The following MTHFD2L variants were observed in gnomAD, a reference collection of about 807,000 sequenced individuals.
MTHFD2L encodes the protein methylenetetrahydrofolate dehydrogenase (NADP+ dependent) 2 like.
Under a neutral mutation model 34.9 loss-of-function variants are expected in MTHFD2L, and 29 were observed. The observed-to-expected ratio is 0.83, with a 90% CI of 0.62 to 1.13. The LOEUF (loss-of-function observed/expected upper bound fraction) is 1.13, where lower values mean the gene tolerates loss of function less well. MTHFD2L is among the 50% of genes most tolerant of loss of function. The probability of loss-of-function intolerance (pLI) is 0.00; values close to 1 mark genes in which losing one functional copy is unlikely to be tolerated. For synonymous variants in MTHFD2L, 167 were observed against 155.7 expected, an observed-to-expected ratio of 1.07 and a Z score of -0.54; for missense variants, 481 against 446.5, an observed-to-expected ratio of 1.08 and a Z score of -0.70.
At chr4:74,157,046 T>C (rs1724332377), upstream of MTHFD2L, 1 of 152,230 alleles carries the variant, frequency 6.6e-6, no homozygotes, top group South Asian at 2.1e-4. Context: ...GTTTAAATTG[T>C]TTTTTTCTTT....
At chr4:74,178,650 G>A (rs1394844772) in intron 3 of MTHFD2L, among the ~76,000 whole-genome samples, 1 of 151,926 alleles carries the variant, frequency 6.6e-6, no homozygotes, top group Non-Finnish European at 1.5e-5. Flanking sequence ...TCTGAGAAAG[G>A]GCAGTTTTCT....
At chr4:74,266,626 T>G (rs1414153297) in intron 6 of MTHFD2L, among the ~76,000 whole-genome samples, 1 of 152,188 alleles carries the variant, frequency 6.6e-6, no homozygotes, top group African/African-American at 2.4e-5. Flanking sequence ...CTCTCACCAC[T>G]TCTCCAACTC....
At chr4:74,295,817 G>A (rs768608028) in intron 7 of MTHFD2L, among the ~76,000 whole-genome samples, 1 of 151,966 alleles carries the variant, frequency 6.6e-6, no homozygotes, top group East Asian at 1.9e-4. Context: ...GAAGCTTCTT[G>A]CCACCTTTAT....
At chr4:74,138,116 T>A (rs575677838) in intron 1 of MTHFD2L, among the ~76,000 whole-genome samples, 1 of 152,156 alleles carries the variant, frequency 6.6e-6, no homozygotes, top group African/African-American at 2.4e-5. Flanking sequence ...AATAAGTAAA[T>A]TCGGCCTTAC....
intron 6 of MTHFD2L, chr4:74,241,674 G>A (rs559096500): frequency 2.8e-5 from 10 of 363,210 alleles, no homozygotes; most frequent in East Asian, 2.7e-4. Context: ...CACCACACCC[G>A]GCACTATATA....
Position 74,289,717 on chromosome 4 carries a change from G to T in MTHFD2L, c.931+8167G>T, listed in dbSNP as rs184594978. Among the ~76,000 whole-genome samples, 284 of 152,258 alleles carry T rather than the reference G, an allele frequency of 1.9e-3. 1 individual carries two copies. Among genetic ancestry groups the T allele is most frequent in the African/African-American group, 6.5e-3 (269 of 41,542 alleles). On this transcript the variant is annotated intron_variant, in intron 7 of 7. Coordinates refer to ENST00000325278, the MANE Select transcript of MTHFD2L (RefSeq NM_001144978.3). ...TAATGGGTGAAGATGTTAAGAGGTG[G>T]TTAGATGGTAGATATAATTTTAAAG...
At chr4:74,254,364 A>G (rs890763623) in intron 6 of MTHFD2L, among the ~76,000 whole-genome samples, 1 of 152,192 alleles carries the variant, frequency 6.6e-6, no homozygotes, top group African/African-American at 2.4e-5. Context: ...GTCAAATGCA[A>G]AAAAGAAAAT....
intron 1 of MTHFD2L, among the ~76,000 whole-genome samples, chr4:74,158,988 G>C (rs1213628902): frequency 6.6e-6 from 1 of 152,172 alleles, no homozygotes; most frequent in East Asian, 1.9e-4. Context: ...GTCCAGAAGA[G>C]CCTCTGTTTT....
intron 1 of MTHFD2L, chr4:74,143,359 G>A: frequency 1.0e-6 from 1 of 964,992 alleles, no homozygotes; most frequent in Non-Finnish European, 1.2e-6. Flanking sequence ...TACTCTTTGA[G>A]AAAAATATTT....
At chr4:74,224,825 C>G (rs994385341) in intron 5 of MTHFD2L, among the ~76,000 whole-genome samples, 1 of 152,088 alleles carries the variant, frequency 6.6e-6, no homozygotes, top group Non-Finnish European at 1.5e-5. Flanking sequence ...GCATTAAGAC[C>G]TAAAAAAATG....
At chr4:74,278,611 A>C (rs1014012525) in intron 6 of MTHFD2L, among the ~76,000 whole-genome samples, 11 of 152,054 alleles carry the variant, frequency 7.2e-5, no homozygotes, top group Non-Finnish European at 1.6e-4. Flanking sequence ...GGTTGTTGGC[A>C]GGGGGCTGAT....
chr4:74,131,014 A>G (rs954071241), intron 1 of MTHFD2L, among the ~76,000 whole-genome samples: 8 of 152,200 alleles, frequency 5.3e-5, no homozygotes, highest in Non-Finnish European at 1.0e-4. Flanking sequence ...TAAAATACCT[A>G]GGAATACAAC....
At chr4:74,216,901 C>T (rs978303559) in intron 5 of MTHFD2L, among the ~76,000 whole-genome samples, 8 of 151,768 alleles carry the variant, frequency 5.3e-5, no homozygotes, top group African/African-American at 7.3e-5. Flanking sequence ...CACCCTTGTC[C>T]CATCTTTCAT....
intron 2 of MTHFD2L, among the ~76,000 whole-genome samples, chr4:74,116,141 A>T (rs146194686): frequency 0.014 from 2,074 of 152,256 alleles, 30 homozygotes; most frequent in South Asian, 0.046. Flanking sequence ...TCTCTTCCAT[A>T]CCTGCATCAT....
chr4:74,162,708 A>G (rs1476244447), intron 1 of MTHFD2L, among the ~76,000 whole-genome samples: 1 of 152,188 alleles, frequency 6.6e-6, no homozygotes, highest in Non-Finnish European at 1.5e-5. Context: ...GGAAGTAGAT[A>G]GACACTATTA....
chr4:74,301,594 T>A (rs1393120605), intron 7 of MTHFD2L, 103 bp from the exon 8 acceptor site: 2 of 623,956 alleles, frequency 3.2e-6, no homozygotes, highest in African/African-American at 3.8e-5. Context: ...TAAAAATGAT[T>A]TGTATATATA....
At chr4:74,203,142 T>C (rs1179157131) in intron 5 of MTHFD2L, among the ~76,000 whole-genome samples, 6 of 152,116 alleles carry the variant, frequency 3.9e-5, no homozygotes, top group Admixed American at 1.3e-4. Context: ...CAGAAATCAA[T>C]ACATATATAT....
chr4:74,283,784 C>G (rs1044493771), intron 7 of MTHFD2L, among the ~76,000 whole-genome samples: 16 of 152,100 alleles, frequency 1.1e-4, no homozygotes, highest in South Asian at 4.1e-4. Flanking sequence ...AGGACCTGGA[C>G]TTGGTAAAGA....
intron 6 of MTHFD2L, among the ~76,000 whole-genome samples, chr4:74,271,596 A>G (rs1420006468): frequency 6.6e-6 from 1 of 152,194 alleles, no homozygotes; most frequent in Non-Finnish European, 1.5e-5. Flanking sequence ...GTTTGAAGTC[A>G]GGTAGCATGA....
Sources: gnomAD v4.1 joint callset for allele counts (sites outside exome capture counted in the v4.1 genomes callset) on GRCh38, gnomAD v4.1.1 for gene constraint, MANE v1.5 for transcripts, NCBI Gene and HGNC (gene_info 2026-07-23, HGNC 2026-07-21) for gene names.